The following ARHGEF10 variants were observed in gnomAD, a reference collection of about 807,000 sequenced individuals.
The protein encoded by ARHGEF10 is Rho guanine nucleotide exchange factor 10, also known as Rho guanine nucleotide exchange factor (GEF) 10.
In ARHGEF10, 140 loss-of-function variants were observed where a neutral mutation model predicts 147.4. That is an observed-to-expected ratio of 0.95 (90% CI 0.83 to 1.09). The LOEUF (loss-of-function observed/expected upper bound fraction) is 1.09, where lower values mean the gene tolerates loss of function less well. Ranked by LOEUF, ARHGEF10 falls within the 50% of genes least tolerant of loss-of-function variation. The probability of loss-of-function intolerance (pLI) is 0.00; values close to 1 mark genes in which losing one functional copy is unlikely to be tolerated. For synonymous variants in ARHGEF10, 902 were observed against 695.8 expected (o/e 1.30, Z -4.67); for missense variants, 2,222 against 1,752.7 (o/e 1.27, Z -4.78).
chr8:1,908,525 C>A (rs1249588869), intron 17 of ARHGEF10, among the ~76,000 whole-genome samples: 9 of 152,118 alleles, frequency 5.9e-5, no homozygotes, highest in Non-Finnish European at 1.0e-4. Flanking sequence ...AGCCACCGCG[C>A]CCGGCCCACA....
chr8:1,896,920 C>T (rs895392310), intron 14 of ARHGEF10, among the ~76,000 whole-genome samples: 1 of 152,206 alleles, frequency 6.6e-6, no homozygotes, highest in Non-Finnish European at 1.5e-5. Flanking sequence ...CCTCAGGGGT[C>T]TCTGACCTGG....
chr8:1,923,935 C>T lies in ARHGEF10; in HGVS notation c.2488+61C>T, dbSNP rs188960076. ...CGGCGTGATGATGAATTCCTGCCCA[C>T]GAGGGTGAGGTCAGGGTTGAGAAGG... On this transcript the variant is annotated intron_variant, in intron 21 of 28. Coordinates refer to ENST00000349830, the MANE Select transcript of ARHGEF10 (RefSeq NM_014629.4). The T allele has an allele frequency of 1.8e-4, 272 of 1,496,038 alleles. 1 individual carries two copies. In the African/African-American group the frequency reaches 3.1e-3, roughly 17 times the overall value. 92.7% of individuals were successfully genotyped at this position (1,496,038 alleles called of 1,614,324 possible). A position where few individuals can be genotyped will look rare whatever the true frequency, so the allele number is the denominator to read the frequency against.
At chr8:1,884,277 TC>T (rs1808465829) in intron 10 of ARHGEF10, among the ~76,000 whole-genome samples, 1 of 151,684 alleles carries the variant, frequency 6.6e-6, no homozygotes, top group Non-Finnish European at 1.5e-5. Context: ...GTGCCTGTAG[TC>T]CCAGCTACTC....
rs200515878 is a variant in ARHGEF10, at chr8:1,923,842, T to C, written c.2456T>C (p.Val819Ala). The change falls in exon 21 of 29, where the codon GTC becomes GCC. Residue 819 changes from valine to alanine, a missense_variant. Transcript: ENST00000349830. ...ACCCCTGCCATCAAGGAGTCCTGGG[T>C]CAACAGCTTACAGATGGCCAAGCTC... The part of the protein sequence containing the change: ...TFTPAIKESW[V>A]NSLQMAKLAL... The C allele has an allele frequency of 9.3e-5, 150 of 1,614,102 alleles. No individual in the cohort carries two copies. Among genetic ancestry groups the C allele is most frequent in the Non-Finnish European group, 1.2e-4 (146 of 1,180,018 alleles).
intron 11 of ARHGEF10, among the ~76,000 whole-genome samples, chr8:1,888,823 A>ATTG (rs1809067553): frequency 3.2e-4 from 7 of 22,132 alleles, no homozygotes; most frequent in South Asian, 6.1e-3. Flanking sequence ...GGTGAGAGTT[A>ATTG]TGAGGAGACA....
intron 7 of ARHGEF10, chr8:1,871,000 C>G (rs1585333301): frequency 6.6e-6 from 1 of 150,486 alleles, no homozygotes; most frequent in African/African-American, 2.4e-5. Context: ...GTAATTCCAG[C>G]TACTTGGGAG....
chr8:1,931,972 T>C (rs760271204), intron 25 of ARHGEF10, among the ~76,000 whole-genome samples: 49 of 152,146 alleles, frequency 3.2e-4, no homozygotes, highest in Non-Finnish European at 7.3e-5. Context: ...CATCGTGTCA[T>C]TGATCTTTGA....
intron 1 of ARHGEF10, among the ~76,000 whole-genome samples, chr8:1,840,081 G>C (rs1402086777): frequency 1.5e-5 from 2 of 130,730 alleles, no homozygotes; most frequent in South Asian, 5.5e-4. Flanking sequence ...AAGCTGTCTG[G>C]TGTGGGGACT....
At chr8:1,854,538 C>T (rs902068822) in intron 2 of ARHGEF10, among the ~76,000 whole-genome samples, 1 of 149,488 alleles carries the variant, frequency 6.7e-6, no homozygotes, top group East Asian at 2.0e-4. Flanking sequence ...GGATGGAGGG[C>T]AGCTCCGCCA....
chr8:1,894,677 A>AGT, intron 13 of ARHGEF10, 105 bp downstream of exon 13: 1 of 1,312,776 alleles, frequency 7.6e-7, no homozygotes, highest in South Asian at 1.2e-5. Context: ...CAAGCTGACA[A>AGT]GTGTGCAGTT....
At chr8:1,829,296 G>C (rs1299989243) in intron 1 of ARHGEF10, among the ~76,000 whole-genome samples, 1 of 152,272 alleles carries the variant, frequency 6.6e-6, no homozygotes, top group Non-Finnish European at 1.5e-5. Flanking sequence ...AATGCGGTGG[G>C]TCTTCCTGAT....
intron 4 of ARHGEF10, among the ~76,000 whole-genome samples, chr8:1,860,601 CA>C (rs1806049200): frequency 6.6e-6 from 1 of 152,194 alleles, no homozygotes; most frequent in Non-Finnish European, 1.5e-5. Flanking sequence ...GTGACAGGAA[CA>C]CCACTGAGGG....
rs753033171 is a variant in ARHGEF10, at chr8:1,909,302, C to T, written c.1975C>T (p.His659Tyr). ...ATCTTTTGGTCGTTTCAGCCCCTCT[C>T]ATGACAGCCGTGTGATGAGCAGCCA... ...MCATVSSRPS[H>Y]DSRVMSSQRY... is the part of the protein sequence containing the mutation. The change falls in exon 18 of 29, where the codon CAT becomes TAT. Residue 659 changes from histidine (H) to tyrosine (Y), a missense_variant. By Grantham distance (83) the His-to-Tyr change is moderately conservative. Coordinates refer to ENST00000349830, the MANE Select transcript of ARHGEF10 (RefSeq NM_014629.4). The T allele has an allele frequency of 1.2e-6, 2 of 1,614,114 alleles. No homozygotes were observed. The highest frequency in any genetic ancestry group is 1.1e-5 in the South Asian group (1 of 91,090).
chr8:1,864,031 C>G (rs911716189), intron 4 of ARHGEF10, among the ~76,000 whole-genome samples: 6 of 152,088 alleles, frequency 3.9e-5, no homozygotes, highest in Non-Finnish European at 8.8e-5. Flanking sequence ...TAACTCTAGC[C>G]TGATGCATCT....
Position 1,876,366 on chromosome 8 carries a change from C to G in ARHGEF10, c.680-205C>G, listed in dbSNP as rs112690734. Reference sequence around the variant, plus strand: ...TGAGAAACACCTGAAGTGCTTTTCCCCAGCCTCCCCGGCCCTGCCCGGGTG... The same window carrying G: ...TGAGAAACACCTGAAGTGCTTTTCCGCAGCCTCCCCGGCCCTGCCCGGGTG... On this transcript the variant is annotated intron_variant, in intron 7 of 28. Transcript: ENST00000349830. 1,214 of 615,932 alleles carry G rather than the reference C, an allele frequency of 2.0e-3. 10 individuals carry two copies. The highest frequency in any genetic ancestry group is 0.019 in the African/African-American group (1,042 of 54,424). 38.2% of individuals were successfully genotyped at this position (615,932 alleles called of 1,614,324 possible).
intron 2 of ARHGEF10, among the ~76,000 whole-genome samples, chr8:1,847,219 C>G (rs1284421609): frequency 6.6e-6 from 1 of 152,212 alleles, no homozygotes. Flanking sequence ...GGTGTGTGAG[C>G]TGATGACCTA....
At chr8:1,879,488 C>A (rs1246112926) in intron 8 of ARHGEF10, among the ~76,000 whole-genome samples, 2 of 152,120 alleles carry the variant, frequency 1.3e-5, no homozygotes, top group Non-Finnish European at 2.9e-5. Flanking sequence ...ACAGAGAAGA[C>A]CCTAGCCTGG....
At chr8:1,941,377 A>G (rs750389801) in intron 26 of ARHGEF10, among the ~76,000 whole-genome samples, 9 of 152,238 alleles carry the variant, frequency 5.9e-5, no homozygotes, top group Non-Finnish European at 1.3e-4. Context: ...CAGAAAGAAA[A>G]ATACTTGGAG....
upstream of ARHGEF10, among the ~76,000 whole-genome samples, chr8:1,823,434 G>A (rs1399308176): frequency 5.5e-5 from 8 of 144,208 alleles, no homozygotes; most frequent in Admixed American, 5.6e-4. Context: ...GTGTCCGCAG[G>A]GAGGGGCGAT....
Sources: allele counts gnomAD v4.1 joint callset (sites outside exome capture counted in the v4.1 genomes callset), GRCh38; gene constraint gnomAD v4.1.1; transcripts MANE v1.5; gene names NCBI Gene and HGNC (gene_info 2026-07-23, HGNC 2026-07-21).